EHBP1: variants seen among roughly 807,000 people sequenced by gnomAD.
EHBP1 encodes the protein EH domain binding protein 1.
A neutral mutation model predicts 144.0 loss-of-function variants in EHBP1; 55 were observed. That is an observed-to-expected ratio of 0.38 (90% CI 0.31 to 0.48). The LOEUF (loss-of-function observed/expected upper bound fraction) is 0.48, where lower values mean the gene tolerates loss of function less well. Ranked by LOEUF, EHBP1 falls within the 20% of genes least tolerant of loss-of-function variation. The pLI, the probability that EHBP1 is intolerant of heterozygous loss-of-function variation, is 0.98. For missense variants in EHBP1, 1,200 were observed against 1,364.2 expected (o/e 0.88, Z 1.90); for synonymous variants, 469 against 472.7 (o/e 0.99, Z 0.10).
intron 10 of EHBP1, among the ~76,000 whole-genome samples, chr2:62,921,822 T>C (rs1187422621): frequency 2.0e-5 from 3 of 152,200 alleles, no homozygotes; most frequent in African/African-American, 7.2e-5. Context: ...GGAATACATT[T>C]TGTATGTTTT....
At chr2:62,831,838 A>G (rs982790767) in intron 7 of EHBP1, among the ~76,000 whole-genome samples, 1 of 152,168 alleles carries the variant, frequency 6.6e-6, no homozygotes, top group Non-Finnish European at 1.5e-5. Context: ...CTTCACTTCT[A>G]TCATCTGTTT....
rs1157397512 is a variant in EHBP1 at position 62,957,641 on chromosome 2, C to CTTTTT, written c.2460+1999_2460+2003dup. Among the ~76,000 whole-genome samples, 431 of 87,172 alleles carry CTTTTT rather than the reference C, an allele frequency of 4.9e-3. 77 individuals carry two copies. The highest frequency in any genetic ancestry group is 0.011 in the Middle Eastern group (1 of 88). The allele number at this position is 87,172 out of a possible 152,430, so 57.2% of individuals were successfully genotyped here. ...TAAAATTAATATTTGAAAATAAATG[C>CTTTTT]TTTTTTTTTTTTTTTTTTTTTTGAG... On this transcript the variant is annotated intron_variant, in intron 14 of 22. Coordinates refer to ENST00000431489, the MANE Select transcript of EHBP1 (RefSeq NM_001142616.3).
intron 5 of EHBP1, among the ~76,000 whole-genome samples, chr2:62,807,696 A>G (rs2044627551): frequency 6.6e-6 from 1 of 152,136 alleles, no homozygotes; most frequent in Non-Finnish European, 1.5e-5. Context: ...TGCAAAGCAG[A>G]TCTACTGGCA....
chr2:62,833,660 G>A (rs1002480862), intron 7 of EHBP1, among the ~76,000 whole-genome samples: 11 of 152,194 alleles, frequency 7.2e-5, no homozygotes, highest in Non-Finnish European at 1.3e-4. Flanking sequence ...CATTGACAGC[G>A]TACCTGGTTG....
At chr2:62,689,238 T>G (rs1012291403) in intron 1 of EHBP1, among the ~76,000 whole-genome samples, 1 of 152,142 alleles carries the variant, frequency 6.6e-6, no homozygotes, top group African/African-American at 2.4e-5. Flanking sequence ...ACAAGAAATA[T>G]CAGTATGTAT....
At chr2:62,952,830 C>T (rs2057461023) in intron 13 of EHBP1, among the ~76,000 whole-genome samples, 3 of 152,168 alleles carry the variant, frequency 2.0e-5, no homozygotes, top group African/African-American at 7.2e-5. Flanking sequence ...GTCAACATTA[C>T]TGAAGGGCAA....
At chr2:62,712,763 G>T (rs1178892744) in intron 2 of EHBP1, among the ~76,000 whole-genome samples, 4 of 152,158 alleles carry the variant, frequency 2.6e-5, no homozygotes, top group African/African-American at 7.2e-5. Flanking sequence ...GAATTGTTGG[G>T]GTTGGGAGCT....
intron 9 of EHBP1, among the ~76,000 whole-genome samples, chr2:62,871,410 G>A (rs1005037524): frequency 3.9e-5 from 6 of 152,136 alleles, no homozygotes; most frequent in African/African-American, 1.4e-4. Flanking sequence ...ATCATCTGGG[G>A]TTACCAGAGG....
intron 10 of EHBP1, among the ~76,000 whole-genome samples, chr2:62,917,474 GCA>G (rs377226992): frequency 1.8e-4 from 28 of 152,034 alleles, no homozygotes; most frequent in African/African-American, 4.3e-4. Flanking sequence ...ATGTGTGTGC[GCA>G]CACACACATT....
At chr2:62,896,655 G>T (rs1573952889) in intron 10 of EHBP1, among the ~76,000 whole-genome samples, 1 of 149,308 alleles carries the variant, frequency 6.7e-6, no homozygotes, top group African/African-American at 2.5e-5. Flanking sequence ...CTTCAGTTAG[G>T]TTACAGATAT....
At chr2:62,724,788 AC>A (rs2036582160) in intron 2 of EHBP1, among the ~76,000 whole-genome samples, 1 of 152,170 alleles carries the variant, frequency 6.6e-6, no homozygotes, top group African/African-American at 2.4e-5. Flanking sequence ...AGTGAGCATT[AC>A]TACCTGAAAT....
chr2:62,883,470 C>CATAT (rs780112951), intron 10 of EHBP1, among the ~76,000 whole-genome samples: 15 of 152,192 alleles, frequency 9.9e-5, no homozygotes, highest in Non-Finnish European at 1.9e-4. Context: ...GAGACACAGT[C>CATAT]ATATCCACAG....
intron 14 of EHBP1, among the ~76,000 whole-genome samples, chr2:62,962,189 G>A (rs540223415): frequency 2.0e-5 from 3 of 151,080 alleles, no homozygotes; most frequent in African/African-American, 7.3e-5. Context: ...ACCCAGGCAC[G>A]GTGGCTCACG....
At chr2:62,871,836 A>G (rs923711851) in intron 9 of EHBP1, among the ~76,000 whole-genome samples, 4 of 152,152 alleles carry the variant, frequency 2.6e-5, no homozygotes, top group African/African-American at 4.8e-5. Flanking sequence ...ACACTTAGCA[A>G]CTGCATGGGT....
chr2:62,953,130 T>C (rs2057479578), intron 13 of EHBP1, among the ~76,000 whole-genome samples: 2 of 146,182 alleles, frequency 1.4e-5, no homozygotes, highest in Admixed American at 1.4e-4. Context: ...GGCAGGAGAA[T>C]TGCTTGAACC....
At chr2:62,744,094 G>A (rs1306945252) in intron 2 of EHBP1, among the ~76,000 whole-genome samples, 1 of 152,182 alleles carries the variant, frequency 6.6e-6, no homozygotes, top group East Asian at 1.9e-4. Flanking sequence ...TTTTCCAATG[G>A]AGCCCTTTAG....
At chr2:62,865,970 C>T (rs1043644135) in intron 9 of EHBP1, among the ~76,000 whole-genome samples, 1 of 152,202 alleles carries the variant, frequency 6.6e-6, no homozygotes, top group Non-Finnish European at 1.5e-5. Context: ...TAGAAAGCCC[C>T]TCCTGAGTCT....
intron 14 of EHBP1, among the ~76,000 whole-genome samples, chr2:62,967,742 A>G (rs541397175): frequency 1.4e-4 from 22 of 152,324 alleles, no homozygotes; most frequent in African/African-American, 4.8e-4. Context: ...AGGAGAGGAA[A>G]AATTCCAAAA....
rs183350326 is a variant in EHBP1 at position 62,675,055 on chromosome 2, A to G, written c.-296+972A>G. On this transcript the variant is annotated intron_variant, in intron 1 of 22. Coordinates refer to the EHBP1 transcript ENST00000405015. The stretch of plus-strand genomic sequence containing the variant: ...TTCAGTGGGATGGAGAGAACTAGAG[A>G]GAACAGAAGAGAGTGAACATTTGAA... Among the ~76,000 whole-genome samples the G allele has an allele frequency of 2.1e-3, 326 of 152,328 alleles. 1 individual carries two copies. The highest frequency in any genetic ancestry group is 3.2e-4 in the Non-Finnish European group (22 of 68,030).
Sources: allele counts gnomAD v4.1 joint callset (sites outside exome capture counted in the v4.1 genomes callset), GRCh38; gene constraint gnomAD v4.1.1; transcripts MANE v1.5; gene names NCBI Gene and HGNC (gene_info 2026-07-23, HGNC 2026-07-21).